The following ERBB4 variants were observed in gnomAD, a reference collection of about 807,000 sequenced individuals.
ERBB4 encodes erb-b2 receptor tyrosine kinase 4, also known as receptor tyrosine-protein kinase erbB-4.
Under a neutral mutation model 158.0 loss-of-function variants are expected in ERBB4, and 42 were observed. The observed-to-expected ratio is 0.27, with a 90% CI of 0.21 to 0.34. The LOEUF (loss-of-function observed/expected upper bound fraction) is 0.34. Among genes scored for constraint, ERBB4 ranks in the 10% least tolerant of loss-of-function variants. ERBB4 has a pLI of 1.00. For missense variants in ERBB4, 1,333 were observed against 1,624.1 expected (o/e 0.82, Z 3.08); for synonymous variants, 583 against 558.7 (o/e 1.04, Z -0.61).
rs966126658 is a variant in ERBB4, at chr2:212,019,838, A to G, written c.235-72222T>C. On this transcript the variant is annotated intron_variant, in intron 2 of 27. Transcript: ENST00000342788. The stretch of plus-strand genomic sequence containing the variant: ...AAGGAAGGGAGGGAGGGAGGAAGGG[A>G]TAAGATGGGGTCAAGGATAAATCTC... Among the ~76,000 whole-genome samples, 6 of 151,424 alleles carry G rather than the reference A, an allele frequency of 4.0e-5. No individual in the cohort carries two copies. The East Asian group carries it at 7.7e-4, about 20-fold the overall frequency.
At chr2:212,074,314 T>C (rs192762131) in intron 2 of ERBB4, among the ~76,000 whole-genome samples, 1 of 152,162 alleles carries the variant, frequency 6.6e-6, no homozygotes, top group East Asian at 1.9e-4. Context: ...AAGTTATTCC[T>C]TTCAGGAATC....
At chr2:211,714,195 T>C (rs1389276448) in intron 7 of ERBB4, among the ~76,000 whole-genome samples, 1 of 152,200 alleles carries the variant, frequency 6.6e-6, no homozygotes, top group Non-Finnish European at 1.5e-5. Flanking sequence ...GTATATCAAA[T>C]AGACAAGGAG....
intron 20 of ERBB4, among the ~76,000 whole-genome samples, chr2:211,502,932 G>T (rs1470984686): frequency 2.0e-5 from 3 of 152,132 alleles, no homozygotes; most frequent in Non-Finnish European, 4.4e-5. Flanking sequence ...ACTTCAAACA[G>T]ATTTATTGAA....
rs1205011962 is a variant in ERBB4 at position 212,243,074 on chromosome 2, T to G, written c.83-118171A>C. Among the ~76,000 whole-genome samples the G allele has an allele frequency of 2.0e-5, 3 of 152,204 alleles. No homozygotes were observed. In the East Asian group the frequency reaches 5.8e-4, roughly 29 times the overall value. ...CAGCTTTATTCCTAGAGAGCTCAAGTTGACATCAATCTGTTATGCCATTTT... is the reference window on the plus strand; with the variant it reads ...CAGCTTTATTCCTAGAGAGCTCAAGGTGACATCAATCTGTTATGCCATTTT... On this transcript the variant is annotated intron_variant, in intron 1 of 27. Transcript: ENST00000342788.
chr2:212,371,666 T>C (rs779259939), intron 1 of ERBB4, among the ~76,000 whole-genome samples: 5 of 152,194 alleles, frequency 3.3e-5, no homozygotes, highest in Admixed American at 1.3e-4. Flanking sequence ...TTAAGCAATT[T>C]ATATACATCA....
intron 1 of ERBB4, among the ~76,000 whole-genome samples, chr2:212,312,467 A>T (rs1016207833): frequency 1.3e-5 from 2 of 150,982 alleles, no homozygotes; most frequent in Admixed American, 6.6e-5. Context: ...TTTAGCCTCA[A>T]ATTCATTAAT....
chr2:211,861,084 TAAA>T (rs2078017476), intron 3 of ERBB4, among the ~76,000 whole-genome samples: 3 of 42,516 alleles, frequency 7.1e-5, no homozygotes, highest in African/African-American at 3.0e-4. Context: ...TTATATATTA[TAAA>T]ATATATAAAT....
At chr2:212,168,452 C>G (rs2081416173) in intron 1 of ERBB4, among the ~76,000 whole-genome samples, 1 of 152,066 alleles carries the variant, frequency 6.6e-6, no homozygotes, top group South Asian at 2.1e-4. Flanking sequence ...TGCACTCTTT[C>G]TTCAAGAGAC....
In ERBB4 at chr2:211,653,455, T is replaced by C. The variant is rs975473208; in HGVS notation, c.1946+4299A>G. On this transcript the variant is annotated intron_variant, in intron 16 of 27. Coordinates refer to ENST00000342788, the MANE Select transcript of ERBB4 (RefSeq NM_005235.3). ...CATTTCACCTGCTTTCATTTAAATC[T>C]TCCCCCCCGCCCCCCGCACCCGCCC... Among the ~76,000 whole-genome samples, 4 of 144,568 alleles carry C rather than the reference T, an allele frequency of 2.8e-5. No individual in the cohort carries two copies. In the South Asian group the frequency reaches 6.8e-4, roughly 25 times the overall value. 94.8% of individuals were successfully genotyped at this position (144,568 alleles called of 152,430 possible).
chr2:211,994,245 C>T (rs1232607113), intron 2 of ERBB4, among the ~76,000 whole-genome samples: 1 of 151,960 alleles, frequency 6.6e-6, no homozygotes, highest in Non-Finnish European at 1.5e-5. Flanking sequence ...GTCCTCCTAC[C>T]TCATTCTCCT....
chr2:211,772,415 C>T (rs1559503745), intron 4 of ERBB4, among the ~76,000 whole-genome samples: 1 of 151,916 alleles, frequency 6.6e-6, no homozygotes, highest in Non-Finnish European at 1.5e-5. Flanking sequence ...ATTGACATTT[C>T]CACTAAATCA....
At position 212,451,115 on chromosome 2, in the gene ERBB4, G is replaced by T. The variant is rs565588379; in HGVS notation, c.82+87334C>A. Reference sequence around the variant, plus strand: ...ATGAAGAATATTTTAAGAAGAATCCGAGAAGGAGGCAGACTTTTTATCTCA... The same window carrying T: ...ATGAAGAATATTTTAAGAAGAATCCTAGAAGGAGGCAGACTTTTTATCTCA... On this transcript the variant is annotated intron_variant, in intron 1 of 27. Coordinates refer to ENST00000342788, the MANE Select transcript of ERBB4 (RefSeq NM_005235.3). Among the ~76,000 whole-genome samples, 218 of 152,252 alleles carry T rather than the reference G, an allele frequency of 1.4e-3. 2 individuals carry two copies. The highest frequency in any genetic ancestry group is 4.8e-3 in the African/African-American group (200 of 41,544).
chr2:211,715,123 C>T (rs1003710619), intron 7 of ERBB4, among the ~76,000 whole-genome samples: 1 of 152,150 alleles, frequency 6.6e-6, no homozygotes, highest in Non-Finnish European at 1.5e-5. Flanking sequence ...ATTGATTACT[C>T]ATTTTGTATG....
chr2:211,837,148 T>C (rs544022837), intron 3 of ERBB4, among the ~76,000 whole-genome samples: 72 of 152,236 alleles, frequency 4.7e-4, no homozygotes, highest in African/African-American at 1.7e-3. Context: ...ATTCTATAAT[T>C]CCATATCACA....
chr2:212,068,107 C>G (rs982496124), intron 2 of ERBB4, among the ~76,000 whole-genome samples: 1 of 151,936 alleles, frequency 6.6e-6, no homozygotes, highest in Non-Finnish European at 1.5e-5. Flanking sequence ...TAGTATTATT[C>G]CCATGATAGT....
At chr2:211,844,526 G>C (rs1281199326) in intron 3 of ERBB4, among the ~76,000 whole-genome samples, 1 of 152,150 alleles carries the variant, frequency 6.6e-6, no homozygotes, top group Non-Finnish European at 1.5e-5. Flanking sequence ...TGCTAACCTA[G>C]TGGTCTGAGA....
At chr2:211,595,476 G>A (rs1326366413) in intron 19 of ERBB4, among the ~76,000 whole-genome samples, 1 of 152,012 alleles carries the variant, frequency 6.6e-6, no homozygotes, top group Non-Finnish European at 1.5e-5. Context: ...GGATGAGAGG[G>A]TCTTGTAAAT....
intron 16 of ERBB4, among the ~76,000 whole-genome samples, chr2:211,645,815 G>C (rs1389315051): frequency 6.6e-6 from 1 of 151,492 alleles, no homozygotes; most frequent in African/African-American, 2.4e-5. Context: ...TATTTAATGT[G>C]TTTTCTATTT....
chr2:211,902,477 G>T (rs966763126), intron 3 of ERBB4, among the ~76,000 whole-genome samples: 3 of 151,826 alleles, frequency 2.0e-5, no homozygotes, highest in Non-Finnish European at 4.4e-5. Flanking sequence ...AAATTATAGT[G>T]AAGTGATAAA....
Sources: gnomAD v4.1 joint callset for allele counts (sites outside exome capture counted in the v4.1 genomes callset) on GRCh38, gnomAD v4.1.1 for gene constraint, MANE v1.5 for transcripts, NCBI Gene and HGNC (gene_info 2026-07-23, HGNC 2026-07-21) for gene names.